The following LRMDA variants were observed in gnomAD, a reference collection of about 807,000 sequenced individuals.
LRMDA encodes leucine rich melanocyte differentiation associated.
LRMDA carries 18 observed loss-of-function variants against 29.8 expected under a neutral mutation model. The observed-to-expected ratio is 0.60, with a 90% CI of 0.42 to 0.90. The LOEUF is 0.90. LRMDA is among the 40% of genes least tolerant of loss of function. The probability of loss-of-function intolerance (pLI) is 0.00; values close to 1 mark genes in which losing one functional copy is unlikely to be tolerated. For synonymous variants in LRMDA, 125 were observed against 109.4 expected (o/e 1.14, Z -0.89); for missense variants, 273 against 273.9 (o/e 1.00, Z 0.02).
At chr10:76,359,345 G>A (rs986571052) in intron 6 of LRMDA, among the ~76,000 whole-genome samples, 1 of 152,188 alleles carries the variant, frequency 6.6e-6, no homozygotes, top group African/African-American at 2.4e-5. Flanking sequence ...AGGAGATGGA[G>A]AAGGTTGCAC....
chr10:76,159,755 T>C (rs1850609702), intron 5 of LRMDA, among the ~76,000 whole-genome samples: 2 of 152,248 alleles, frequency 1.3e-5, no homozygotes, highest in South Asian at 2.1e-4. Flanking sequence ...CTTAAATGCA[T>C]ATTCATAAGT....
chr10:76,014,962 A>T (rs1220211660), intron 2 of LRMDA, among the ~76,000 whole-genome samples: 2 of 152,216 alleles, frequency 1.3e-5, no homozygotes, highest in East Asian at 3.9e-4. Context: ...AGACCTCCTG[A>T]CGTTTAGCTT....
intron 2 of LRMDA, among the ~76,000 whole-genome samples, chr10:75,686,267 C>G (rs941639171): frequency 4.6e-5 from 7 of 152,164 alleles, no homozygotes; most frequent in Non-Finnish European, 8.8e-5. Context: ...CAGAGGAGAG[C>G]TGGGTGGTGA....
At chr10:75,507,947 C>T (rs1296546180) in intron 2 of LRMDA, among the ~76,000 whole-genome samples, 1 of 152,186 alleles carries the variant, frequency 6.6e-6, no homozygotes, top group East Asian at 1.9e-4. Context: ...CAATTGAGCC[C>T]TATTGATGTG....
At chr10:76,301,623 T>A (rs1840481339) in intron 5 of LRMDA, among the ~76,000 whole-genome samples, 1 of 152,184 alleles carries the variant, frequency 6.6e-6, no homozygotes, top group Non-Finnish European at 1.5e-5. Context: ...CAACTCAGCA[T>A]GCAAAATTTA....
chr10:75,705,699 G>A (rs1842357611), intron 2 of LRMDA, among the ~76,000 whole-genome samples: 1 of 152,214 alleles, frequency 6.6e-6, no homozygotes, highest in Admixed American at 6.5e-5. Context: ...GATGGGGAGT[G>A]CAGGAGAGCA....
At chr10:75,554,043 A>C (rs960007762) in intron 2 of LRMDA, among the ~76,000 whole-genome samples, 3 of 152,212 alleles carry the variant, frequency 2.0e-5, no homozygotes, top group Non-Finnish European at 4.4e-5. Context: ...CTGCTAAAGA[A>C]GAAATGCTTT....
chr10:76,132,693 G>C (rs1002541785), intron 5 of LRMDA, among the ~76,000 whole-genome samples: 1 of 152,086 alleles, frequency 6.6e-6, no homozygotes, highest in Non-Finnish European at 1.5e-5. Context: ...TACGAGTATC[G>C]GAGTACGAGT....
chr10:76,185,550 A>G (rs1404072022), intron 5 of LRMDA, among the ~76,000 whole-genome samples: 1 of 152,174 alleles, frequency 6.6e-6, no homozygotes, highest in Non-Finnish European at 1.5e-5. Context: ...TGGTCTGTAA[A>G]AAAAACATTT....
At chr10:75,709,933 C>CATTGT (rs1421697378) in intron 2 of LRMDA, among the ~76,000 whole-genome samples, 1 of 152,146 alleles carries the variant, frequency 6.6e-6, no homozygotes, top group Non-Finnish European at 1.5e-5. Context: ...GCTCATATCA[C>CATTGT]ATTGTACAGG....
chr10:76,500,961 A>G lies in LRMDA; in HGVS notation c.602-56248A>G, dbSNP rs767479378. Among the ~76,000 whole-genome samples, 292 of 73,612 alleles carry G rather than the reference A, an allele frequency of 4.0e-3. 123 individuals are homozygous for G. Among genetic ancestry groups the G allele is most frequent in the Non-Finnish European group, 9.7e-3 (216 of 22,192 alleles). The allele number at this position is 73,612 out of a possible 152,430, so 48.3% of individuals were successfully genotyped here. A position where few individuals can be genotyped will look rare whatever the true frequency, so the allele number is the denominator to read the frequency against. ...CGTGATGCTGAGGTTTGGGATATGG[A>G]TGATCCCATCATGTAGGTAGTGAGC... On this transcript the variant is annotated intron_variant, in intron 6 of 6. Transcript: ENST00000611255.
At chr10:75,626,198 C>T (rs145979465) in intron 2 of LRMDA, among the ~76,000 whole-genome samples, 173 of 152,138 alleles carry the variant, frequency 1.1e-3, no homozygotes, top group African/African-American at 4.0e-3. Flanking sequence ...ACCACCTACC[C>T]GTGGCACAGA....
chr10:75,450,733 G>A (rs1300811564), intron 2 of LRMDA: 1 of 152,236 alleles, frequency 6.6e-6, no homozygotes, highest in Non-Finnish European at 1.5e-5. Flanking sequence ...TGTTATTAAT[G>A]TAACTGTCAG....
intron 5 of LRMDA, among the ~76,000 whole-genome samples, chr10:76,089,486 A>G (rs558819674): frequency 2.6e-5 from 4 of 152,356 alleles, no homozygotes; most frequent in East Asian, 1.9e-4. Context: ...CTTTGAGGAG[A>G]ATCTGAGCTC....
Position 75,692,222 on chromosome 10 carries a change from ATATATAT to A in LRMDA, c.131+253729_131+253735del, listed in dbSNP as rs1564541573. Among the ~76,000 whole-genome samples, 218 of 31,228 alleles carry A rather than the reference ATATATAT, an allele frequency of 7.0e-3. 1 individual carries two copies. The highest frequency in any genetic ancestry group is 0.028 in the African/African-American group (212 of 7,678). The allele number at this position is 31,228 out of a possible 152,430, so 20.5% of individuals were successfully genotyped here. On this transcript the variant is annotated intron_variant, in intron 2 of 6. Coordinates refer to ENST00000611255, the MANE Select transcript of LRMDA (RefSeq NM_001305581.2). ...GTCTCTGGGGGGAAAAAAAAAAAAT[ATATATAT>A]ATATATATATATATATATACATATA...
At chr10:76,475,340 A>G (rs1589205283) in intron 6 of LRMDA, among the ~76,000 whole-genome samples, 1 of 152,010 alleles carries the variant, frequency 6.6e-6, no homozygotes, top group South Asian at 2.1e-4. Context: ...TGTTTATTAT[A>G]TCTCAATAAA....
At chr10:76,078,737 G>A (rs919606758) in intron 5 of LRMDA, among the ~76,000 whole-genome samples, 2 of 152,170 alleles carry the variant, frequency 1.3e-5, no homozygotes. Flanking sequence ...TTGGGAGGCT[G>A]AGGCAGGAGA....
intron 6 of LRMDA, among the ~76,000 whole-genome samples, chr10:76,411,200 T>A (rs1226005500): frequency 6.6e-6 from 1 of 152,220 alleles, no homozygotes. Context: ...CTTGTCAGCG[T>A]CACTTGCAGG....
chr10:75,822,047 G>A (rs1333608188), intron 2 of LRMDA, among the ~76,000 whole-genome samples: 2 of 152,116 alleles, frequency 1.3e-5, no homozygotes, highest in Non-Finnish European at 2.9e-5. Context: ...AATTATCTCT[G>A]TTCACTGATG....
Sources: allele counts gnomAD v4.1 joint callset (sites outside exome capture counted in the v4.1 genomes callset), GRCh38; gene constraint gnomAD v4.1.1; transcripts MANE v1.5; gene names NCBI Gene and HGNC (gene_info 2026-07-23, HGNC 2026-07-21).